The following CFAP20DC variants were observed in gnomAD, a reference collection of about 807,000 sequenced individuals.
The protein encoded by CFAP20DC is CFAP20 domain containing.
Under a neutral mutation model 101.7 loss-of-function variants are expected in CFAP20DC, and 84 were observed. The observed-to-expected ratio is 0.83, with a 90% confidence interval of 0.69 to 0.99. CFAP20DC has a LOEUF of 0.99. Among genes scored for constraint, CFAP20DC ranks in the 50% least tolerant of loss-of-function variants. The pLI, the probability that CFAP20DC is intolerant of heterozygous loss-of-function variation, is 0.00. For synonymous variants in CFAP20DC, 359 were observed against 351.2 expected (o/e 1.02, Z -0.25); for missense variants, 1,007 against 970.3 (o/e 1.04, Z -0.50).
rs149160471 is a variant in CFAP20DC, at chr3:58,773,298, C to A, written c.2238-19435G>T. 4.3e-3 allele frequency among the ~76,000 whole-genome samples: 647 copies of A among 151,596 alleles called. 4 individuals carry two copies. Among genetic ancestry groups the A allele is most frequent in the African/African-American group, 0.015 (609 of 41,368 alleles). On this transcript the variant is annotated intron_variant, in intron 15 of 16. Transcript: ENST00000482387. ...AGGTGCAGTGGCTCATGCCTGTAAT[C>A]CCAGCACTTTGGGAGGCTGAGGCTG... is the stretch of plus-strand genomic sequence containing the variant.
rs1189503042 is a variant in CFAP20DC at position 58,846,565 on chromosome 3, A to C, written c.1971+2467T>G. Among the ~76,000 whole-genome samples the C allele has an allele frequency of 5.0e-4, 75 of 149,858 alleles. 1 individual carries two copies. Among genetic ancestry groups the C allele is most frequent in the African/African-American group, 1.8e-3 (73 of 41,222 alleles). On this transcript the variant is annotated intron_variant, in intron 13 of 16. Transcript: ENST00000482387. The stretch of plus-strand genomic sequence containing the variant: ...CCATGCTCATGGGTAGGAAGAATCA[A>C]TATCGTGAAAATGGCCATACTGCCC...
chr3:58,822,336 C>CAAAG (rs1553682530), intron 14 of CFAP20DC, among the ~76,000 whole-genome samples: 3 of 127,060 alleles, frequency 2.4e-5, no homozygotes, highest in South Asian at 2.7e-4. Context: ...AACAAACAAA[C>CAAAG]AAAAAAAACC....
In CFAP20DC at chr3:58,914,336, T is replaced by A. The variant is rs2084452866; in HGVS notation, c.394-472A>T. Among the ~76,000 whole-genome samples, 1 of 152,206 alleles carries A rather than the reference T, an allele frequency of 6.6e-6. No homozygotes were observed. Among genetic ancestry groups the A allele is most frequent in the Non-Finnish European group, 1.5e-5 (1 of 68,026 alleles). On this transcript the variant is annotated intron_variant, in intron 5 of 16. Coordinates refer to ENST00000482387, the MANE Select transcript of CFAP20DC (RefSeq NM_001394063.1). The surrounding 1 kb of genome is among the most constrained non-coding windows in gnomAD (Gnocchi z 4.9). ...AATTATGGTCAGTGCTGTCTACTTA[T>A]AACCAATTAACCTATTGTACGGAAA...
At chr3:58,784,870 G>C (rs994748503) in intron 15 of CFAP20DC, among the ~76,000 whole-genome samples, 1 of 152,056 alleles carries the variant, frequency 6.6e-6, no homozygotes, top group Non-Finnish European at 1.5e-5. Context: ...AACAGTATGA[G>C]AGATTTCTCA....
chr3:58,816,161 C>T (rs2075112369), intron 14 of CFAP20DC, among the ~76,000 whole-genome samples: 1 of 151,830 alleles, frequency 6.6e-6, no homozygotes, highest in Non-Finnish European at 1.5e-5. Flanking sequence ...ACACATACAC[C>T]ATGGAATACT....
At chr3:59,011,556 A>G (rs145237523) in intron 4 of CFAP20DC, among the ~76,000 whole-genome samples, 1 of 152,246 alleles carries the variant, frequency 6.6e-6, no homozygotes, top group East Asian at 1.9e-4. Flanking sequence ...AAGGAACTAG[A>G]GAAAGAAGAA....
intron 13 of CFAP20DC, among the ~76,000 whole-genome samples, chr3:58,848,404 G>A (rs1297059769): frequency 2.0e-5 from 3 of 152,080 alleles, no homozygotes; most frequent in East Asian, 3.9e-4. Flanking sequence ...AAAATGGAAT[G>A]TACATGTCAT....
In CFAP20DC at chr3:58,764,928, C is replaced by T. The variant is rs184202398; in HGVS notation, c.2238-11065G>A. On this transcript the variant is annotated intron_variant, in intron 15 of 16. Coordinates refer to ENST00000482387, the MANE Select transcript of CFAP20DC (RefSeq NM_001394063.1). ...AAGAAGAGGTGCTGTATTCAAGAGT[C>T]GAGACCATGGATTTGTATTAAATAC... 1.6e-4 allele frequency among the ~76,000 whole-genome samples: 24 copies of T among 152,122 alleles called. No homozygotes were observed. In the East Asian group the frequency reaches 2.3e-3, roughly 15 times the overall value.
rs1001647531 is a variant in CFAP20DC at position 58,831,737 on chromosome 3, G to A, written c.2124C>T (p.Ser708=). The A allele has an allele frequency of 9.3e-6, 15 of 1,614,084 alleles. No homozygotes were observed. In the East Asian group the frequency reaches 3.3e-4, roughly 36 times the overall value. Residue 708 remains serine (S), a synonymous_variant, in exon 14 of 17, where the codon AGC becomes AGT. Transcript: ENST00000482387. ...SASQVDNCNV[S]ISTSSDDTTT... is the part of the protein sequence containing the mutation. Reference sequence around the variant, plus strand: ...TTGTGTCGTCACTGCTGGTACTTATGCTGACATTACAGTTGTCCACCTGGG... The same window carrying A: ...TTGTGTCGTCACTGCTGGTACTTATACTGACATTACAGTTGTCCACCTGGG...
At chr3:58,972,459 T>C (rs1288829327) in intron 4 of CFAP20DC, among the ~76,000 whole-genome samples, 2 of 152,086 alleles carry the variant, frequency 1.3e-5, no homozygotes, top group Non-Finnish European at 2.9e-5. Context: ...CACCAAGAAA[T>C]GTCTTCTTGC....
intron 4 of CFAP20DC, among the ~76,000 whole-genome samples, chr3:58,969,416 G>T (rs1207072270): frequency 6.6e-6 from 1 of 152,272 alleles, no homozygotes; most frequent in South Asian, 2.1e-4. Flanking sequence ...AGCCTCTTTG[G>T]AAACAGTTTC....
At chr3:59,009,206 T>C (rs776293790) in intron 4 of CFAP20DC, among the ~76,000 whole-genome samples, 32 of 152,144 alleles carry the variant, frequency 2.1e-4, no homozygotes, top group South Asian at 1.0e-3. Context: ...AGAACAATTT[T>C]AAGAAATAGT....
At chr3:58,873,789 C>T (rs1392756615) in intron 7 of CFAP20DC, among the ~76,000 whole-genome samples, 12 of 106,752 alleles carry the variant, frequency 1.1e-4, no homozygotes, top group South Asian at 3.2e-4. Context: ...GTCAGGCAGG[C>T]GTTCAAGCTG....
At chr3:59,041,492 C>T (rs1235758967) in intron 3 of CFAP20DC, among the ~76,000 whole-genome samples, 1 of 151,952 alleles carries the variant, frequency 6.6e-6, no homozygotes, top group Non-Finnish European at 1.5e-5. Flanking sequence ...TAAATAAATT[C>T]TATAGTAACA....
chr3:59,010,804 A>G (rs2093564569), intron 4 of CFAP20DC, among the ~76,000 whole-genome samples: 2 of 152,204 alleles, frequency 1.3e-5, no homozygotes, highest in South Asian at 2.1e-4. Context: ...ACACCATATA[A>G]TAGGCCAAAA....
chr3:58,779,191 A>G (rs1023442901), intron 15 of CFAP20DC, among the ~76,000 whole-genome samples: 1 of 152,246 alleles, frequency 6.6e-6, no homozygotes, highest in African/African-American at 2.4e-5. Context: ...ATGAAATACA[A>G]GATAATTCTG....
chr3:59,047,258 GA>G lies in CFAP20DC; in HGVS notation c.22-5del, dbSNP rs1699937418. 1 of 1,519,400 alleles carries G rather than the reference GA, an allele frequency of 6.6e-7. No homozygotes were observed. The highest frequency in any genetic ancestry group is 1.4e-5 in the African/African-American group (1 of 72,594). 94.1% of individuals were successfully genotyped at this position (1,519,400 alleles called of 1,614,324 possible). A position where few individuals can be genotyped will look rare whatever the true frequency, so the allele number is the denominator to read the frequency against. ...AAATTTCAACAAATGCACCTCCCTA[GA>G]AAATGAAAATAAAATATTAAAAGAC... On this transcript the variant is annotated splice_region_variant and splice_polypyrimidine_tract_variant and intron_variant, in intron 1 of 16. Transcript: ENST00000482387.
At chr3:58,850,623 A>C (rs1200594032) in intron 12 of CFAP20DC, among the ~76,000 whole-genome samples, 1 of 151,808 alleles carries the variant, frequency 6.6e-6, no homozygotes, top group African/African-American at 2.4e-5. Flanking sequence ...AACAAAAAAA[A>C]CCAACCAACC....
At chr3:58,826,334 G>A (rs535930086) in intron 14 of CFAP20DC, among the ~76,000 whole-genome samples, 1 of 152,108 alleles carries the variant, frequency 6.6e-6, no homozygotes, top group South Asian at 2.1e-4. Flanking sequence ...TAAGTTTTGG[G>A]ATACATGGGC....
Sources: gnomAD v4.1 joint callset for allele counts (sites outside exome capture counted in the v4.1 genomes callset) on GRCh38, gnomAD v4.1.1 for gene constraint, Gnocchi (gnomAD v3.1) non-coding constraint, MANE v1.5 for transcripts, NCBI Gene and HGNC (gene_info 2026-07-23, HGNC 2026-07-21) for gene names.